Variants in CEP83 observed in about 807,000 individuals in gnomAD.
CEP83 encodes centrosomal protein 83, also known as centrosomal protein of 83 kDa.
In CEP83, 70 loss-of-function variants were observed where a neutral mutation model predicts 101.9. The ratio of observed to expected loss-of-function variants is 0.69; its 90% CI spans 0.57 to 0.84. CEP83 has a LOEUF of 0.84. CEP83 is among the 40% of genes least tolerant of loss of function. CEP83 has a pLI of 0.00. For missense variants in CEP83, 715 were observed against 787.2 expected (o/e 0.91, Z 1.10); for synonymous variants, 264 against 267.9 (o/e 0.99, Z 0.14).
intron 1 of CEP83, among the ~76,000 whole-genome samples, chr12:94,458,007 G>T (rs573487063): frequency 1.3e-5 from 2 of 152,002 alleles, no homozygotes; most frequent in African/African-American, 4.8e-5. Flanking sequence ...GACCAGCCTG[G>T]GCAATATGGT....
chr12:94,390,869 G>A (rs773115342), intron 6 of CEP83, among the ~76,000 whole-genome samples: 32 of 152,110 alleles, frequency 2.1e-4, no homozygotes, highest in Non-Finnish European at 3.7e-4. Context: ...GTGGAAGAAA[G>A]GGCATCAGTG....
intron 2 of CEP83, among the ~76,000 whole-genome samples, chr12:94,422,237 C>A (rs11833793): frequency 0.019 from 2,960 of 152,308 alleles, 99 homozygotes; most frequent in African/African-American, 0.063. Context: ...AAACTGGACA[C>A]AGCCATAGCA....
Position 94,335,617 on chromosome 12 carries a change from T to TC in CEP83, c.1390dup (p.Glu464GlyfsTer4). On this transcript the variant is annotated frameshift_variant, in exon 12 of 17. Transcript: ENST00000397809. LOFTEE classifies it high-confidence loss of function. ...TTTTAGGTCAGAATTTTCATTTTTTTCCTTCTCTGCATTTTCAATAGTCAC... is the reference window on the plus strand; with the variant it reads ...TTTTAGGTCAGAATTTTCATTTTTTTCCCTTCTCTGCATTTTCAATAGTCAC... 6.3e-7 allele frequency: 1 copy of TC among 1,587,662 alleles called. No homozygotes were observed. Among genetic ancestry groups the TC allele is most frequent in the Non-Finnish European group, 8.6e-7 (1 of 1,166,640 alleles).
intron 6 of CEP83, among the ~76,000 whole-genome samples, chr12:94,396,280 CTTTTTTTTT>C (rs776434390): frequency 2.2e-5 from 2 of 90,948 alleles, no homozygotes; most frequent in East Asian, 3.2e-4. Flanking sequence ...AAAAGCATGA[CTTTTTTTTT>C]TTTTTTTTTT....
rs185068873 is a variant in CEP83, at chr12:94,346,174, C to T, written c.1344-10510G>A. On this transcript the variant is annotated intron_variant, in intron 11 of 16. Transcript: ENST00000397809. ...AAGCAAGTCTCCTGCCTCAGCCTCC[C>T]GAGTAGCTGGGATTACAGGCACCTG... 1.4e-3 allele frequency among the ~76,000 whole-genome samples: 210 copies of T among 152,138 alleles called. 1 individual carries two copies. Among genetic ancestry groups the T allele is most frequent in the African/African-American group, 4.7e-3 (196 of 41,498 alleles).
chr12:94,350,714 T>C lies in CEP83; in HGVS notation c.1344-15050A>G, dbSNP rs1261455280. The stretch of plus-strand genomic sequence containing the variant: ...TAAAACCCTACAGAATAGGAGAAAA[T>C]ATTTGCAAATCATGTATCTGATAAG... On this transcript the variant is annotated intron_variant, in intron 11 of 16. Coordinates refer to ENST00000397809, the MANE Select transcript of CEP83 (RefSeq NM_016122.3). Among the ~76,000 whole-genome samples the C allele has an allele frequency of 2.6e-5, 4 of 151,758 alleles. No individual in the cohort carries two copies. The East Asian group carries it at 7.7e-4, about 29-fold the overall frequency.
chr12:94,310,041 A>G lies in CEP83; in HGVS notation c.1878T>C (p.His626=), dbSNP rs1236967361. 5 of 1,607,162 alleles carry G rather than the reference A, an allele frequency of 3.1e-6. No homozygotes were observed. In the Middle Eastern group the frequency reaches 5.0e-4, roughly 161 times the overall value. The part of the protein sequence containing the change: ...QKRLKDIQRR[H]NEFRSLILVP... ...CCAAAATTAGACTTCGAAATTCATT[A>G]TGTCTTCTCTGTATATCTTTTAGTC... The change falls in exon 16 of 17, where the codon CAT becomes CAC. Residue 626 remains histidine, a synonymous_variant. Coordinates refer to ENST00000397809, the MANE Select transcript of CEP83 (RefSeq NM_016122.3).
chr12:94,377,242 T>C (rs919228348), intron 7 of CEP83, among the ~76,000 whole-genome samples: 6 of 152,004 alleles, frequency 3.9e-5, no homozygotes, highest in African/African-American at 1.4e-4. Flanking sequence ...TAGCCTACAG[T>C]TGGAAAAAAT....
At chr12:94,386,503 A>G (rs967664477) in intron 6 of CEP83, among the ~76,000 whole-genome samples, 2 of 152,170 alleles carry the variant, frequency 1.3e-5, no homozygotes, top group African/African-American at 2.4e-5. Context: ...TCCTCAGCTC[A>G]AAGATCATGT....
chr12:94,303,272 C>G (rs558455820), downstream of CEP83, among the ~76,000 whole-genome samples: 1 of 152,208 alleles, frequency 6.6e-6, no homozygotes, highest in African/African-American at 2.4e-5. Flanking sequence ...AAGGGACAAG[C>G]TGGAAAATCT....
At chr12:94,334,454 C>G (rs992010339) in intron 12 of CEP83, among the ~76,000 whole-genome samples, 5 of 152,132 alleles carry the variant, frequency 3.3e-5, no homozygotes, top group African/African-American at 4.8e-5. Flanking sequence ...ACCTCCCCCA[C>G]AAGCTATTTT....
At chr12:94,359,961 C>T (rs966050827) in intron 11 of CEP83, among the ~76,000 whole-genome samples, 1 of 152,082 alleles carries the variant, frequency 6.6e-6, no homozygotes, top group Non-Finnish European at 1.5e-5. Flanking sequence ...CACAGGTATG[C>T]AAGGATGGTT....
the CEP83 span, chr12:94,272,086 C>A: frequency 6.6e-6 from 1 of 152,196 alleles, no homozygotes; most frequent in African/African-American, 2.4e-5. Flanking sequence ...TCCAGCCTGG[C>A]CCTCTTCCCG....
intron 11 of CEP83, among the ~76,000 whole-genome samples, chr12:94,348,277 A>C (rs7310915): frequency 4.6e-5 from 7 of 152,168 alleles, no homozygotes; most frequent in African/African-American, 1.4e-4. Flanking sequence ...GCCAGCCGTC[A>C]GAAGTTGACA....
At chr12:94,449,779 T>TAAAAAAAAAAAAAAA (rs71071787) in intron 1 of CEP83, among the ~76,000 whole-genome samples, 1 of 48,578 alleles carries the variant, frequency 2.1e-5, no homozygotes, top group African/African-American at 1.1e-4. Context: ...TCTCAAACAA[T>TAAAAAAAAAAAAAAA]AAAAAAAAAA....
At chr12:94,439,624 T>C (rs2066250458) in intron 1 of CEP83, among the ~76,000 whole-genome samples, 1 of 151,044 alleles carries the variant, frequency 6.6e-6, no homozygotes, top group Non-Finnish European at 1.5e-5. Context: ...AAAGAAGAAT[T>C]GGTATGAATC....
intron 11 of CEP83, among the ~76,000 whole-genome samples, chr12:94,342,571 T>C (rs1352337957): frequency 1.3e-5 from 2 of 152,338 alleles, no homozygotes; most frequent in Non-Finnish European, 1.5e-5. Context: ...AAGGGCTCAC[T>C]GCATGTGAAT....
intron 6 of CEP83, among the ~76,000 whole-genome samples, chr12:94,385,361 A>G (rs761607839): frequency 3.9e-5 from 6 of 151,966 alleles, no homozygotes; most frequent in Admixed American, 6.6e-5. Context: ...CTCTGACATG[A>G]CCCAGGATGT....
At chr12:94,396,432 G>A (rs2062901285) in intron 6 of CEP83, among the ~76,000 whole-genome samples, 1 of 151,654 alleles carries the variant, frequency 6.6e-6, no homozygotes, top group Non-Finnish European at 1.5e-5. Flanking sequence ...GGGACTACAG[G>A]TGCGTGCCAC....
Sources: gnomAD v4.1 joint callset for allele counts (sites outside exome capture counted in the v4.1 genomes callset) on GRCh38, gnomAD v4.1.1 for gene constraint, MANE v1.5 for transcripts, NCBI Gene and HGNC (gene_info 2026-07-23, HGNC 2026-07-21) for gene names.